AKAP9: variants seen among roughly 807,000 people sequenced by gnomAD.
AKAP9 encodes the protein A-kinase anchor protein 9.
Under a neutral mutation model 488.5 loss-of-function variants are expected in AKAP9, and 311 were observed. The observed-to-expected ratio is 0.64, with a 90% confidence interval of 0.58 to 0.70. The LOEUF (loss-of-function observed/expected upper bound fraction) is 0.70. Ranked by LOEUF, AKAP9 falls within the 30% of genes least tolerant of loss-of-function variation. The pLI is 0.00. For missense variants in AKAP9, 4,215 were observed against 4,374.5 expected (o/e 0.96, Z 1.03); for synonymous variants, 1,462 against 1,483.5 (o/e 0.99, Z 0.33).
In AKAP9 at chr7:92,022,998, G is replaced by C. The variant is rs766454113; in HGVS notation, c.4137G>C (p.Thr1379=). Reference sequence around the variant, plus strand: ...GGCTTCAAGCTGTTAGTGAGTCCACGGTTCCGCCAAGGTATTCATCTGCTT... The same window carrying C: ...GGCTTCAAGCTGTTAGTGAGTCCACCGTTCCGCCAAGGTATTCATCTGCTT... ...QKRLQAVSES[T]VPPSLPVDSV... is the part of the protein sequence containing the mutation. Residue 1379 remains threonine (T), a synonymous_variant, in exon 14 of 50, where the codon ACG becomes ACC. Transcript: ENST00000356239. The C allele has an allele frequency of 6.2e-7, 1 of 1,613,600 alleles. No individual in the cohort carries two copies. The highest frequency in any genetic ancestry group is 8.5e-7 in the Non-Finnish European group (1 of 1,179,564).
At chr7:92,089,728 C>A in intron 38 of AKAP9, 199 bp downstream of exon 38, 1 of 550,750 alleles carries the variant, frequency 1.8e-6, no homozygotes, top group Non-Finnish European at 3.2e-6. Context: ...GCTACGTTGA[C>A]TTTAAAATAA....
chr7:92,043,670 T>G (rs1244548544), intron 20 of AKAP9, among the ~76,000 whole-genome samples: 1 of 152,170 alleles, frequency 6.6e-6, no homozygotes, highest in African/African-American at 2.4e-5. Flanking sequence ...TAGTTTAGTT[T>G]TATTTTTAGT....
chr7:92,062,191 T>A, intron 23 of AKAP9, 83 bp from the exon 24 acceptor site: 1 of 1,253,172 alleles, frequency 8.0e-7, no homozygotes, highest in Non-Finnish European at 1.2e-6. Context: ...GCTAACAGTA[T>A]ACCTTTTGTT....
chr7:91,970,172 G>T (rs1794879502), intron 1 of AKAP9, among the ~76,000 whole-genome samples: 1 of 151,502 alleles, frequency 6.6e-6, no homozygotes, highest in Admixed American at 6.6e-5. Context: ...AGATCACAAA[G>T]AAAATAATGG....
chr7:92,058,955 A>G (rs1044167696), intron 22 of AKAP9, among the ~76,000 whole-genome samples: 8 of 151,978 alleles, frequency 5.3e-5, no homozygotes, highest in African/African-American at 1.9e-4. Context: ...TATGAAATAT[A>G]TTTTATAAAC....
At chr7:92,052,027 A>G (rs1808065531) in intron 21 of AKAP9, among the ~76,000 whole-genome samples, 1 of 152,160 alleles carries the variant, frequency 6.6e-6, no homozygotes, top group Non-Finnish European at 1.5e-5. Flanking sequence ...TGTGGATAAC[A>G]ATGTCCAAAG....
chr7:92,049,243 T>G (rs1347055759), intron 21 of AKAP9, among the ~76,000 whole-genome samples: 1 of 152,234 alleles, frequency 6.6e-6, no homozygotes, highest in Non-Finnish European at 1.5e-5. Flanking sequence ...CTAAGATTAT[T>G]ATTGGCATCT....
At chr7:91,996,771 T>G (rs376254806) in intron 7 of AKAP9, among the ~76,000 whole-genome samples, 5 of 152,342 alleles carry the variant, frequency 3.3e-5, no homozygotes, top group Non-Finnish European at 7.4e-5. Context: ...TAGGAGGTTC[T>G]TCTGCAAGAG....
chr7:92,068,043 G>A (rs1811036480), intron 26 of AKAP9, among the ~76,000 whole-genome samples: 1 of 152,038 alleles, frequency 6.6e-6, no homozygotes, highest in Admixed American at 6.6e-5. Flanking sequence ...ATAAAATGTT[G>A]TATACTAGAG....
At position 92,052,733 on chromosome 7, in the gene AKAP9, T is replaced by C; in HGVS notation, c.5376T>C (p.Asp1792=). ...AAAACACTGTTATTCTAGTTACAGA[T>C]GAATCCATTCCCTCTTATTCTGGAA... The part of the protein sequence containing the change: ...CVHEEHTRVT[D]ESIPSYSGSD... The change falls in exon 22 of 50, where the codon GAT becomes GAC. Residue 1792 remains aspartate (D), a synonymous_variant. Coordinates refer to ENST00000356239, the MANE Select transcript of AKAP9 (RefSeq NM_005751.5). The C allele has an allele frequency of 1.9e-6, 3 of 1,607,350 alleles. No individual in the cohort carries two copies. Among genetic ancestry groups the C allele is most frequent in the Non-Finnish European group, 2.6e-6 (3 of 1,174,046 alleles).
intron 3 of AKAP9, among the ~76,000 whole-genome samples, chr7:91,988,599 A>G (rs1290983451): frequency 6.6e-6 from 1 of 152,220 alleles, no homozygotes; most frequent in Non-Finnish European, 1.5e-5. Flanking sequence ...AAATTTTGAA[A>G]TCAAGTAGTT....
In AKAP9 at chr7:91,992,834, C is replaced by T. The variant is rs777023427; in HGVS notation, c.406-51C>T. On this transcript the variant is annotated intron_variant, in intron 4 of 49. Coordinates refer to ENST00000356239, the MANE Select transcript of AKAP9 (RefSeq NM_005751.5). ...GGATTTCAGTATTTGAATCTCTCTC[C>T]CTAAGGAATATTGCTAATACTGAAT... The T allele has an allele frequency of 1.9e-6, 3 of 1,538,910 alleles. No individual in the cohort carries two copies. In the Admixed American group the frequency reaches 5.1e-5, roughly 26 times the overall value.
intron 29 of AKAP9, 38 bp from the exon 30 acceptor site, chr7:92,077,658 A>C: frequency 6.4e-7 from 1 of 1,553,342 alleles, no homozygotes; most frequent in Non-Finnish European, 8.9e-7. Flanking sequence ...ATGATAGGTA[A>C]TGATATATCC....
chr7:92,019,845 T>TA (rs1019644712), intron 12 of AKAP9, among the ~76,000 whole-genome samples: 17 of 148,854 alleles, frequency 1.1e-4, no homozygotes, highest in Admixed American at 2.7e-4. Context: ...CCATCTCTAC[T>TA]AAAAAAAAAT....
chr7:92,107,318 T>C lies in AKAP9; in HGVS notation c.11442T>C (p.Tyr3814=), dbSNP rs2130924793. 1 of 1,614,014 alleles carries C rather than the reference T, an allele frequency of 6.2e-7. No homozygotes were observed. The highest frequency in any genetic ancestry group is 1.3e-5 in the African/African-American group (1 of 75,044). The change falls in exon 48 of 50, where the codon TAT becomes TAC. Residue 3814 remains tyrosine (Y), a synonymous_variant. Coordinates refer to ENST00000356239, the MANE Select transcript of AKAP9 (RefSeq NM_005751.5). The part of the protein sequence containing the change: ...NQGAEKTDSF[Y]HSSGGLELYG... ...GTGCAGAAAAGACTGACTCATTTTA[T>C]CATTCTTCTGGTGGGCTGGAGTTAT...
chr7:92,097,246 A>T lies in AKAP9; in HGVS notation c.10287A>T (p.Leu3429Phe), dbSNP rs1377874695. 1 of 1,613,742 alleles carries T rather than the reference A, an allele frequency of 6.2e-7. No homozygotes were observed. Among genetic ancestry groups the T allele is most frequent in the African/African-American group, 1.3e-5 (1 of 75,002 alleles). ...AGAAAAGACAACAAGTTTATAAGTT[A>T]GACCTTGAAGGACAGCGACTACAAG... The part of the protein sequence containing the change: ...LEEKRQQVYK[L>F]DLEGQRLQGI... Residue 3429 changes from leucine to phenylalanine, a missense_variant, in exon 41 of 50, where the codon TTA becomes TTT. Coordinates refer to ENST00000356239, the MANE Select transcript of AKAP9 (RefSeq NM_005751.5).
Position 92,062,418 on chromosome 7 carries a change from A to G in AKAP9, c.5909A>G (p.Gln1970Arg). The G allele has an allele frequency of 1.9e-5, 31 of 1,613,928 alleles. No homozygotes were observed. The highest frequency in any genetic ancestry group is 2.6e-5 in the Non-Finnish European group (31 of 1,179,866). Reference protein sequence around the residue: ...QELEAEQQQIQEERELLSRQK... With the variant: ...QELEAEQQQIREERELLSRQK... ...TTGGAGGCAGAGCAACAGCAGATCCAAGAAGAAAGAGAATTACTGTCCAGA... is the reference window on the plus strand; with the variant it reads ...TTGGAGGCAGAGCAACAGCAGATCCGAGAAGAAAGAGAATTACTGTCCAGA... The change falls in exon 24 of 50, where the codon CAA becomes CGA. Residue 1970 changes from glutamine to arginine, a missense_variant. Physicochemically the swap from Gln to Arg is conservative, Grantham distance 43. Around this residue, in one of 5 missense-constraint regions of AKAP9, gnomAD observed 2,361 missense variants for 2,430.0 expected, o/e 0.97. Coordinates refer to ENST00000356239, the MANE Select transcript of AKAP9 (RefSeq NM_005751.5).
In AKAP9 at chr7:92,022,792, T is replaced by C. The variant is rs757471224; in HGVS notation, c.3953-22T>C. 2.0e-6 allele frequency: 3 copies of C among 1,478,680 alleles called. No homozygotes were observed. In the African/African-American group the frequency reaches 4.2e-5, roughly 21 times the overall value. 91.6% of individuals were successfully genotyped at this position (1,478,680 alleles called of 1,614,324 possible). On this transcript the variant is annotated intron_variant, in intron 13 of 49. Transcript: ENST00000356239. ...GAAACTTATATTGAAATGTGCATTT[T>C]TTGTCTCTTTATATAACATAGATGT...
rs771897396 is a variant in AKAP9 at position 91,995,647 on chromosome 7, A to G, written c.777A>G (p.Thr259=). The G allele has an allele frequency of 6.2e-7, 1 of 1,614,174 alleles. No homozygotes were observed. The highest frequency in any genetic ancestry group is 1.3e-5 in the African/African-American group (1 of 75,056). ...ETLRNSTHSS[T]AADLLQAKQQ... is the part of the protein sequence containing the mutation. Reference sequence around the variant, plus strand: ...TGAGAAACAGCACTCATAGTAGCACAGCTGCAGACTTACTACAAGCCAAAC... The same window carrying G: ...TGAGAAACAGCACTCATAGTAGCACGGCTGCAGACTTACTACAAGCCAAAC... The change falls in exon 7 of 50, where the codon ACA becomes ACG. Residue 259 remains threonine, a synonymous_variant. Transcript: ENST00000356239.
Sources: gnomAD v4.1 joint callset for allele counts (sites outside exome capture counted in the v4.1 genomes callset) on GRCh38, gnomAD v4.1.1 for gene constraint, gnomAD v4.1.1 regional missense constraint, MANE v1.5 for transcripts, NCBI Gene and HGNC (gene_info 2026-07-23, HGNC 2026-07-21) for gene names.